The following SORCS3 variants were observed in gnomAD, a reference collection of about 807,000 sequenced individuals.
The protein encoded by SORCS3 is VPS10 domain-containing receptor SorCS3.
Under a neutral mutation model 146.3 loss-of-function variants are expected in SORCS3, and 57 were observed. That is an observed-to-expected ratio of 0.39 (90% confidence interval 0.31 to 0.49). The LOEUF (loss-of-function observed/expected upper bound fraction) is 0.49, where lower values mean the gene tolerates loss of function less well. SORCS3 is among the 20% of genes least tolerant of loss of function. The pLI is 0.92. For synonymous variants in SORCS3, 653 were observed against 618.5 expected (o/e 1.06, Z -0.83); for missense variants, 1,341 against 1,575.5 (o/e 0.85, Z 2.52).
At chr10:105,060,687 C>T (rs1207056025) in intron 5 of SORCS3, among the ~76,000 whole-genome samples, 1 of 152,090 alleles carries the variant, frequency 6.6e-6, no homozygotes, top group Non-Finnish European at 1.5e-5. Context: ...ACCTGTAATC[C>T]TAGCACTTTG....
At chr10:104,796,758 A>G (rs1213697647) in intron 1 of SORCS3, among the ~76,000 whole-genome samples, 1 of 152,224 alleles carries the variant, frequency 6.6e-6, no homozygotes, top group Admixed American at 6.5e-5. Flanking sequence ...GCCATTTTGT[A>G]TCATTCAAGA....
intron 5 of SORCS3, among the ~76,000 whole-genome samples, chr10:105,072,843 A>T (rs1453617884): frequency 6.6e-6 from 1 of 152,006 alleles, no homozygotes; most frequent in Non-Finnish European, 1.5e-5. Flanking sequence ...AGGACTGATG[A>T]TCCCTTGGGA....
intron 1 of SORCS3, among the ~76,000 whole-genome samples, chr10:104,796,346 T>A (rs1311303894): frequency 3.3e-5 from 5 of 152,224 alleles, no homozygotes; most frequent in Admixed American, 2.6e-4. Context: ...TCATCTTTTT[T>A]CAGTTTGCTT....
chr10:104,654,104 T>G (rs774963857), intron 1 of SORCS3, among the ~76,000 whole-genome samples: 2 of 152,214 alleles, frequency 1.3e-5, no homozygotes, highest in Non-Finnish European at 2.9e-5. Flanking sequence ...GACCTCTACT[T>G]CCATCCATGT....
At chr10:104,954,083 G>GTA (rs2019462051) in intron 3 of SORCS3, among the ~76,000 whole-genome samples, 1 of 152,076 alleles carries the variant, frequency 6.6e-6, no homozygotes, top group African/African-American at 2.4e-5. Flanking sequence ...AGGCAGATAT[G>GTA]TATATATATA....
intron 1 of SORCS3, among the ~76,000 whole-genome samples, chr10:104,695,596 T>C (rs1474873137): frequency 6.6e-6 from 1 of 152,026 alleles, no homozygotes; most frequent in Non-Finnish European, 1.5e-5. Flanking sequence ...CTCACAAGTT[T>C]AGTCCTTATC....
intron 2 of SORCS3, among the ~76,000 whole-genome samples, chr10:104,881,327 TA>T (rs948430702): frequency 3.3e-5 from 5 of 152,198 alleles, no homozygotes; most frequent in Non-Finnish European, 7.4e-5. Flanking sequence ...TTGTCCTCTT[TA>T]AATCAAAATG....
At chr10:104,739,826 G>T (rs928926422) in intron 1 of SORCS3, among the ~76,000 whole-genome samples, 6 of 152,220 alleles carry the variant, frequency 3.9e-5, no homozygotes, top group Non-Finnish European at 7.3e-5. Context: ...CCATTAGAAA[G>T]CCAAGCAAAA....
Position 104,977,472 on chromosome 10 carries a change from G to A in SORCS3, c.933G>A (p.Leu311=). Residue 311 remains leucine (L), a synonymous_variant, in exon 4 of 27, where the codon CTG becomes CTA. Transcript: ENST00000369701. ...ATCCCAAGCAAGAGGACTGGGTGCT[G>A]GCCTACAGTTTGGATCAAAAGGTGA... The part of the protein sequence containing the change: ...LFHPKQEDWV[L]AYSLDQKLYS... The A allele has an allele frequency of 6.2e-7, 1 of 1,610,258 alleles. No homozygotes were observed. Among genetic ancestry groups the A allele is most frequent in the Non-Finnish European group, 8.5e-7 (1 of 1,178,718 alleles).
intron 4 of SORCS3, among the ~76,000 whole-genome samples, chr10:105,036,217 T>G (rs1408889678): frequency 6.6e-6 from 1 of 152,100 alleles, no homozygotes; most frequent in Non-Finnish European, 1.5e-5. Flanking sequence ...TCAGGCCAAC[T>G]CTGGCTCATC....
chr10:104,663,202 AAC>A (rs1170334133), intron 1 of SORCS3, among the ~76,000 whole-genome samples: 3 of 152,196 alleles, frequency 2.0e-5, no homozygotes, highest in Non-Finnish European at 4.4e-5. Context: ...AAAGGAAGCC[AAC>A]AGGGAGAAGC....
chr10:104,877,247 GT>G (rs1489237915), intron 2 of SORCS3, among the ~76,000 whole-genome samples: 1 of 151,982 alleles, frequency 6.6e-6, no homozygotes, highest in Non-Finnish European at 1.5e-5. Flanking sequence ...ATGCCTTCTG[GT>G]TATCCACATT....
intron 14 of SORCS3, among the ~76,000 whole-genome samples, chr10:105,182,366 C>T (rs534953965): frequency 2.6e-5 from 4 of 150,984 alleles, no homozygotes; most frequent in African/African-American, 9.7e-5. Context: ...CACTGAGGCT[C>T]AGCTCACATG....
intron 1 of SORCS3, among the ~76,000 whole-genome samples, chr10:104,672,524 C>G (rs563929700): frequency 6.6e-6 from 1 of 151,924 alleles, no homozygotes; most frequent in South Asian, 2.1e-4. Context: ...TCTTCTTTTT[C>G]TAGATTCTTA....
At chr10:104,815,648 A>C (rs1008281223) in intron 1 of SORCS3, among the ~76,000 whole-genome samples, 1 of 151,966 alleles carries the variant, frequency 6.6e-6, no homozygotes, top group African/African-American at 2.4e-5. Context: ...GCATTTCCAC[A>C]ATGACATACT....
In SORCS3 at chr10:104,981,275, G is replaced by A. The variant is rs76418651; in HGVS notation, c.954+3782G>A. Among the ~76,000 whole-genome samples the A allele has an allele frequency of 8.2e-3, 1,250 of 152,222 alleles. 22 individuals are homozygous for A. Among genetic ancestry groups the A allele is most frequent in the African/African-American group, 0.029 (1,204 of 41,528 alleles). Reference sequence around the variant, plus strand: ...TTGCATTTTAATTTAAAAGGACTCAGTAAAGACAAGAGATTCATTCTTGGG... The same window carrying A: ...TTGCATTTTAATTTAAAAGGACTCAATAAAGACAAGAGATTCATTCTTGGG... On this transcript the variant is annotated intron_variant, in intron 4 of 26. Transcript: ENST00000369701.
At chr10:105,089,417 G>T (rs1388425138) in intron 5 of SORCS3, among the ~76,000 whole-genome samples, 1 of 152,212 alleles carries the variant, frequency 6.6e-6, no homozygotes, top group Non-Finnish European at 1.5e-5. Flanking sequence ...TAAGACAGAG[G>T]AGATAGATGG....
chr10:104,794,091 G>A (rs560555337), intron 1 of SORCS3, among the ~76,000 whole-genome samples: 20 of 152,248 alleles, frequency 1.3e-4, no homozygotes, highest in East Asian at 7.7e-4. Flanking sequence ...AGTCGCAGGC[G>A]GCTGCTGTTG....
chr10:105,131,184 T>G (rs1437123141), intron 7 of SORCS3, among the ~76,000 whole-genome samples: 2 of 152,186 alleles, frequency 1.3e-5, no homozygotes, highest in Non-Finnish European at 2.9e-5. Context: ...AAGTCAAGAT[T>G]TATTATAAAT....
Sources: allele counts gnomAD v4.1 joint callset (sites outside exome capture counted in the v4.1 genomes callset), GRCh38; gene constraint gnomAD v4.1.1; transcripts MANE v1.5; gene names NCBI Gene and HGNC (gene_info 2026-07-23, HGNC 2026-07-21).